TM4SF20: variants seen among roughly 807,000 people sequenced by gnomAD.
TM4SF20 encodes transmembrane 4 L6 family member 20.
Under a neutral mutation model 15.1 loss-of-function variants are expected in TM4SF20, and 13 were observed. That is an observed-to-expected ratio of 0.86 (90% CI 0.56 to 1.36). The LOEUF is 1.36. Among genes scored for constraint, TM4SF20 ranks in the 40% most tolerant of loss-of-function variants. TM4SF20 has a pLI of 0.00. For missense variants in TM4SF20, 282 were observed against 268.4 expected, an observed-to-expected ratio of 1.05 and a Z score of -0.35; for synonymous variants, 92 against 96.6, an observed-to-expected ratio of 0.95 and a Z score of 0.28.
chr2:227,366,949 C>T (rs2076396547), intron 2 of TM4SF20, among the ~76,000 whole-genome samples: 1 of 152,030 alleles, frequency 6.6e-6, no homozygotes, highest in South Asian at 2.1e-4. Flanking sequence ...GGCCCTGATG[C>T]TTTAAGTGAA....
At chr2:227,371,390 G>T (rs6733389) in intron 1 of TM4SF20, among the ~76,000 whole-genome samples, 123,584 of 152,118 alleles carry the variant, frequency 0.81, 50,464 homozygotes, top group South Asian at 0.89. Flanking sequence ...ACCCAGGCCA[G>T]AGTGCAGTGA....
chr2:227,378,705 T>A (rs1313103167), intron 1 of TM4SF20, among the ~76,000 whole-genome samples: 2 of 152,142 alleles, frequency 1.3e-5, no homozygotes. Flanking sequence ...AACCTGTCAC[T>A]CCTATTGCAT....
At chr2:227,365,718 C>G (rs1206830920) in intron 3 of TM4SF20, among the ~76,000 whole-genome samples, 2 of 152,160 alleles carry the variant, frequency 1.3e-5, no homozygotes, top group Non-Finnish European at 1.5e-5. Context: ...GTTCTCTTCA[C>G]TCTCATAAAG....
intron 1 of TM4SF20, among the ~76,000 whole-genome samples, chr2:227,372,560 G>A (rs988199063): frequency 6.6e-6 from 1 of 152,114 alleles, no homozygotes; most frequent in African/African-American, 2.4e-5. Flanking sequence ...AGAATTACTT[G>A]AACCTGGGAG....
chr2:227,373,429 G>A (rs1244596355), intron 1 of TM4SF20, among the ~76,000 whole-genome samples: 1 of 151,748 alleles, frequency 6.6e-6, no homozygotes, highest in Non-Finnish European at 1.5e-5. Flanking sequence ...TCCCAAATAG[G>A]TATCAGTATT....
chr2:227,373,898 C>T (rs1442342917), intron 1 of TM4SF20, among the ~76,000 whole-genome samples: 4 of 136,414 alleles, frequency 2.9e-5, no homozygotes, highest in South Asian at 4.6e-4. Context: ...CACTGCACTC[C>T]AGCCTGGTGA....
chr2:227,375,665 A>AT (rs1279650237), intron 1 of TM4SF20, among the ~76,000 whole-genome samples: 2 of 151,646 alleles, frequency 1.3e-5, no homozygotes, highest in Non-Finnish European at 2.9e-5. Context: ...AATTTTTTAT[A>AT]TTTTTAGTAG....
chr2:227,379,530 A>G (rs1229033739), upstream of TM4SF20, among the ~76,000 whole-genome samples: 1 of 152,248 alleles, frequency 6.6e-6, no homozygotes, highest in African/African-American at 2.4e-5. Flanking sequence ...TAGGCTTACG[A>G]TAAGCTCCTT....
At chr2:227,380,627 T>C (rs1225265970), upstream of TM4SF20, among the ~76,000 whole-genome samples, 3 of 152,234 alleles carry the variant, frequency 2.0e-5, no homozygotes, top group African/African-American at 4.8e-5. Flanking sequence ...CAAACCAATA[T>C]GTCTAGGAGA....
At chr2:227,374,088 T>TA (rs79866106) in intron 1 of TM4SF20, among the ~76,000 whole-genome samples, 40,317 of 85,042 alleles carry the variant, frequency 0.47, 10,310 homozygotes, top group Non-Finnish European at 0.54. Context: ...AGACCCTGTC[T>TA]AAAAAAAAAA....
intron 1 of TM4SF20, among the ~76,000 whole-genome samples, chr2:227,374,088 T>TAA (rs79866106): frequency 0.12 from 9,929 of 85,040 alleles, 820 homozygotes; most frequent in Non-Finnish European, 0.13. Flanking sequence ...AGACCCTGTC[T>TAA]AAAAAAAAAA....
At chr2:227,369,234 G>A (rs2076408471) in intron 2 of TM4SF20, among the ~76,000 whole-genome samples, 2 of 152,022 alleles carry the variant, frequency 1.3e-5, no homozygotes, top group African/African-American at 4.8e-5. Context: ...GTCAGAAAAA[G>A]GGTAATTTTT....
At chr2:227,364,054 CT>C (rs1208114668) in intron 3 of TM4SF20, 42 bp from the exon 4 acceptor site, 2 of 1,559,610 alleles carry the variant, frequency 1.3e-6, no homozygotes, top group African/African-American at 2.7e-5. Context: ...AGAAATATCC[CT>C]GACCAAAGGA....
In TM4SF20 at chr2:227,363,291, T is replaced by TG; in HGVS notation, c.*432dup. 6.4e-6 allele frequency: 1 copy of TG among 156,250 alleles called. No individual in the cohort carries two copies. The highest frequency in any genetic ancestry group is 1.9e-4 in the East Asian group (1 of 5,240). 9.7% of individuals were successfully genotyped at this position (156,250 alleles called of 1,614,324 possible). On this transcript the variant is annotated 3_prime_UTR_variant, in exon 4 of 4. Transcript: ENST00000304568. ...TTAGCTTGGCATAGTGGCACGCACC[T>TG]GTAGTCCCAGCTACTAGGGAGGCTG... is the stretch of plus-strand genomic sequence containing the variant.
At chr2:227,367,797 C>T (rs552244276) in intron 2 of TM4SF20, among the ~76,000 whole-genome samples, 1 of 152,108 alleles carries the variant, frequency 6.6e-6, no homozygotes, top group East Asian at 1.9e-4. Context: ...ATTATTATTT[C>T]CATTTTATAG....
chr2:227,375,358 A>G (rs2076442604), intron 1 of TM4SF20, among the ~76,000 whole-genome samples: 1 of 152,188 alleles, frequency 6.6e-6, no homozygotes, highest in African/African-American at 2.4e-5. Context: ...ACAGCACTGC[A>G]TTCTAGCTTG....
upstream of TM4SF20, among the ~76,000 whole-genome samples, chr2:227,380,409 A>AAGACCTAGACTTAGACCT (rs1194400710): frequency 3.9e-5 from 6 of 152,168 alleles, no homozygotes; most frequent in Non-Finnish European, 7.4e-5. Flanking sequence ...TAGTTACTGA[A>AAGACCTAGACTTAGACCT]AGACCTAGAC....
rs1231460969 is a variant in TM4SF20 at position 227,362,863 on chromosome 2, T to A, written c.*861A>T. ...CTACCAAAATTAACAATAATCCGATTCTTCTACATACTCCTCCCAATTATC... is the reference window on the plus strand; with the variant it reads ...CTACCAAAATTAACAATAATCCGATACTTCTACATACTCCTCCCAATTATC... On this transcript the variant is annotated 3_prime_UTR_variant, in exon 4 of 4. Transcript: ENST00000304568. 1 of 152,222 alleles carries A rather than the reference T, an allele frequency of 6.6e-6. No individual in the cohort carries two copies. Among genetic ancestry groups the A allele is most frequent in the African/African-American group, 2.4e-5 (1 of 41,462 alleles). 9.4% of individuals were successfully genotyped at this position (152,222 alleles called of 1,614,324 possible).
intron 3 of TM4SF20, among the ~76,000 whole-genome samples, chr2:227,364,495 T>G (rs183841698): frequency 6.6e-6 from 1 of 151,846 alleles, no homozygotes; most frequent in East Asian, 1.9e-4. Context: ...CTGATTAAAG[T>G]GATGTGCCTG....
Sources: gnomAD v4.1 joint callset for allele counts (sites outside exome capture counted in the v4.1 genomes callset) on GRCh38, gnomAD v4.1.1 for gene constraint, MANE v1.5 for transcripts, NCBI Gene and HGNC (gene_info 2026-07-23, HGNC 2026-07-21) for gene names.